CDH13: variants seen among roughly 807,000 people sequenced by gnomAD.
CDH13 encodes cadherin 13.
A neutral mutation model predicts 63.8 loss-of-function variants in CDH13; 24 were observed. The ratio of observed to expected loss-of-function variants is 0.38; its 90% CI spans 0.27 to 0.53. The LOEUF is 0.53. Ranked by LOEUF, CDH13 falls within the 20% of genes least tolerant of loss-of-function variation. The pLI, the probability that CDH13 is intolerant of heterozygous loss-of-function variation, is 0.85. For synonymous variants in CDH13, 503 were observed against 355.3 expected (o/e 1.42, Z -4.67); for missense variants, 1,049 against 903.1 (o/e 1.16, Z -2.07).
At chr16:83,334,335 TTTCTCC>T in intron 5 of CDH13, among the ~76,000 whole-genome samples, 1 of 123,516 alleles carries the variant, frequency 8.1e-6, no homozygotes, top group Non-Finnish European at 1.7e-5. Flanking sequence ...CCTCTCTCCC[TTTCTCC>T]CTCTCTCTCT....
intron 2 of CDH13, among the ~76,000 whole-genome samples, chr16:82,952,270 G>C (rs896646760): frequency 6.6e-6 from 1 of 152,128 alleles, no homozygotes; most frequent in Non-Finnish European, 1.5e-5. Flanking sequence ...CTGAGCGTGG[G>C]CAGCTTTCTT....
At chr16:83,065,040 C>A (rs892703687) in intron 3 of CDH13, among the ~76,000 whole-genome samples, 1 of 152,150 alleles carries the variant, frequency 6.6e-6, no homozygotes, top group African/African-American at 2.4e-5. Context: ...AGGTAATCAC[C>A]ATCCTACTGC....
chr16:83,616,007 A>G (rs1381433926), intron 8 of CDH13, among the ~76,000 whole-genome samples: 2 of 152,234 alleles, frequency 1.3e-5, no homozygotes, highest in Non-Finnish European at 2.9e-5. Flanking sequence ...CCCTGGAAAC[A>G]GCAGGTATGC....
At chr16:83,767,813 G>T (rs1410788492) in intron 11 of CDH13, among the ~76,000 whole-genome samples, 1 of 152,140 alleles carries the variant, frequency 6.6e-6, no homozygotes, top group Non-Finnish European at 1.5e-5. Flanking sequence ...TGTAGAGACA[G>T]AAAATTGATC....
At chr16:83,494,342 T>C (rs2074087399) in intron 7 of CDH13, among the ~76,000 whole-genome samples, 2 of 152,336 alleles carry the variant, frequency 1.3e-5, no homozygotes, top group African/African-American at 4.8e-5. Flanking sequence ...GTATGATTAC[T>C]ATGTTAATGC....
intron 7 of CDH13, among the ~76,000 whole-genome samples, chr16:83,541,132 C>G (rs1271757469): frequency 1.3e-5 from 2 of 152,170 alleles, no homozygotes; most frequent in East Asian, 1.9e-4. Context: ...CACCTCCAGC[C>G]TCTGGCCTAC....
At chr16:83,181,081 T>C in intron 4 of CDH13, 3 of 1,316,536 alleles carry the variant, frequency 2.3e-6, no homozygotes, top group Non-Finnish European at 3.1e-6. Context: ...AAATAAATTG[T>C]CCTGTTGACT....
intron 2 of CDH13, among the ~76,000 whole-genome samples, chr16:82,913,744 C>T (rs1023368778): frequency 6.6e-6 from 1 of 151,546 alleles, no homozygotes; most frequent in Admixed American, 6.6e-5. Flanking sequence ...CCTCAACAGC[C>T]GTTCCAAGGA....
intron 6 of CDH13, among the ~76,000 whole-genome samples, chr16:83,425,499 C>T (rs1268050314): frequency 6.6e-6 from 1 of 152,246 alleles, no homozygotes; most frequent in African/African-American, 2.4e-5. Context: ...GAAGATGATC[C>T]AGTTTATGCT....
At chr16:82,647,930 C>A (rs562108269) in intron 1 of CDH13, among the ~76,000 whole-genome samples, 50 of 152,270 alleles carry the variant, frequency 3.3e-4, no homozygotes, top group Non-Finnish European at 5.1e-4. Flanking sequence ...GTAACTGAAG[C>A]TTAGGGGCAG....
chr16:83,191,466 T>TATATATATATATATATATGCAC (rs2038699311), intron 4 of CDH13, among the ~76,000 whole-genome samples: 1 of 116,182 alleles, frequency 8.6e-6, no homozygotes, highest in African/African-American at 3.2e-5. Flanking sequence ...GAAATATATA[T>TATATATATATATATATATGCAC]ATATATATAT....
chr16:83,403,655 T>C (rs2092001523), intron 6 of CDH13, among the ~76,000 whole-genome samples: 2 of 151,754 alleles, frequency 1.3e-5, no homozygotes, highest in South Asian at 4.2e-4. Flanking sequence ...ATAATGTAAA[T>C]GTAGAAACCT....
chr16:82,932,747 C>T (rs934550862), intron 2 of CDH13, among the ~76,000 whole-genome samples: 3 of 152,184 alleles, frequency 2.0e-5, no homozygotes, highest in African/African-American at 7.2e-5. Flanking sequence ...CTGACTGATA[C>T]TTTTCATAAC....
At chr16:82,701,312 C>G (rs557928458) in intron 1 of CDH13, among the ~76,000 whole-genome samples, 1 of 152,260 alleles carries the variant, frequency 6.6e-6, no homozygotes, top group South Asian at 2.1e-4. Context: ...TTGCCATGAT[C>G]TCTTTTTCCA....
chr16:83,548,790 C>G (rs1360363010), intron 7 of CDH13, among the ~76,000 whole-genome samples: 1 of 152,128 alleles, frequency 6.6e-6, no homozygotes, highest in African/African-American at 2.4e-5. Context: ...TTCCAACCCC[C>G]TGCCTTCCAA....
intron 6 of CDH13, among the ~76,000 whole-genome samples, chr16:83,441,255 A>T (rs963393839): frequency 4.6e-5 from 7 of 152,222 alleles, no homozygotes; most frequent in African/African-American, 1.7e-4. Flanking sequence ...TACTTTGAGT[A>T]CCACTCTGGT....
intron 11 of CDH13, among the ~76,000 whole-genome samples, chr16:83,754,142 C>G (rs1913314811): frequency 6.6e-6 from 1 of 152,136 alleles, no homozygotes; most frequent in African/African-American, 2.4e-5. Flanking sequence ...AGTGAAATCT[C>G]CTTGGGTCTC....
At chr16:82,962,644 C>A (rs901585358) in intron 2 of CDH13, among the ~76,000 whole-genome samples, 4 of 152,094 alleles carry the variant, frequency 2.6e-5, no homozygotes, top group African/African-American at 9.7e-5. Context: ...AACTCTGAAC[C>A]CCTGGCCAGG....
chr16:83,555,582 A>T (rs919491025), intron 7 of CDH13, among the ~76,000 whole-genome samples: 1 of 152,366 alleles, frequency 6.6e-6, no homozygotes, highest in African/African-American at 2.4e-5. Context: ...GGATTTCCAG[A>T]TGTAAAGTTA....
Sources: gnomAD v4.1 joint callset for allele counts (sites outside exome capture counted in the v4.1 genomes callset) on GRCh38, gnomAD v4.1.1 for gene constraint, MANE v1.5 for transcripts, NCBI Gene and HGNC (gene_info 2026-07-23, HGNC 2026-07-21) for gene names.